The following NEK11 variants were observed in gnomAD, a reference collection of about 807,000 sequenced individuals.
The protein encoded by NEK11 is serine/threonine-protein kinase Nek11.
In NEK11, 72 loss-of-function variants were observed where a neutral mutation model predicts 80.7. That is an observed-to-expected ratio of 0.89 (90% CI 0.74 to 1.08). The LOEUF (loss-of-function observed/expected upper bound fraction) is 1.08, where lower values mean the gene tolerates loss of function less well. Ranked by LOEUF, NEK11 falls within the 50% of genes least tolerant of loss-of-function variation. The probability of loss-of-function intolerance (pLI) is 0.00; values close to 1 mark genes in which losing one functional copy is unlikely to be tolerated. For missense variants in NEK11, 764 were observed against 763.6 expected (o/e 1.00, Z -0.01); for synonymous variants, 251 against 260.7 (o/e 0.96, Z 0.36).
intron 15 of NEK11, among the ~76,000 whole-genome samples, chr3:131,231,582 G>T (rs79561274): frequency 0.017 from 2,576 of 151,576 alleles, 71 homozygotes; most frequent in African/African-American, 0.059. Flanking sequence ...ACACAATAGA[G>T]TAATTTGTAT....
At chr3:131,326,123 G>A (rs1466711061) in intron 17 of NEK11, 3 of 152,196 alleles carry the variant, frequency 2.0e-5, no homozygotes, top group Non-Finnish European at 4.4e-5. Flanking sequence ...AGGAGAGCTG[G>A]ATTTTTCTTG....
chr3:131,343,219 G>T (rs1443692507), intron 17 of NEK11, among the ~76,000 whole-genome samples: 3 of 152,138 alleles, frequency 2.0e-5, no homozygotes, highest in African/African-American at 7.2e-5. Flanking sequence ...TAACAGGAAT[G>T]ATCTAGTAGA....
intron 17 of NEK11, among the ~76,000 whole-genome samples, chr3:131,314,366 C>T (rs2096814382): frequency 1.3e-5 from 2 of 152,260 alleles, no homozygotes; most frequent in South Asian, 4.1e-4. Flanking sequence ...TCAAATTGCA[C>T]AACAAATCTT....
chr3:131,137,639 A>G (rs1421285691), intron 7 of NEK11, among the ~76,000 whole-genome samples: 6 of 152,210 alleles, frequency 3.9e-5, no homozygotes, highest in Admixed American at 1.3e-4. Context: ...CAGGTGAAGT[A>G]TATTTGAACA....
chr3:131,331,612 G>C (rs1013151651), intron 17 of NEK11, among the ~76,000 whole-genome samples: 1 of 152,302 alleles, frequency 6.6e-6, no homozygotes, highest in African/African-American at 2.4e-5. Context: ...GTGGGCGCAG[G>C]ACAGTGGGTG....
intron 5 of NEK11, among the ~76,000 whole-genome samples, chr3:131,117,639 C>T (rs1459216654): frequency 6.6e-6 from 1 of 152,152 alleles, no homozygotes; most frequent in Non-Finnish European, 1.5e-5. Flanking sequence ...TTTGTGTCCT[C>T]TTTTATTTCA....
chr3:131,262,563 T>C (rs2095947889), intron 16 of NEK11, among the ~76,000 whole-genome samples: 1 of 152,200 alleles, frequency 6.6e-6, no homozygotes, highest in South Asian at 2.1e-4. Context: ...TACAATGTTA[T>C]ATAAAAATGG....
chr3:131,035,247 G>C (rs933990748), intron 3 of NEK11, among the ~76,000 whole-genome samples: 6 of 152,284 alleles, frequency 3.9e-5, no homozygotes, highest in Non-Finnish European at 7.4e-5. Flanking sequence ...TTTCTACCCA[G>C]TTATGGAAAC....
chr3:131,332,660 A>T (rs974832369), intron 17 of NEK11, among the ~76,000 whole-genome samples: 4 of 152,224 alleles, frequency 2.6e-5, no homozygotes, highest in Non-Finnish European at 5.9e-5. Flanking sequence ...CAGATGATCA[A>T]AATACTCCGA....
At chr3:131,131,541 G>A (rs535382580) in intron 5 of NEK11, among the ~76,000 whole-genome samples, 2 of 152,150 alleles carry the variant, frequency 1.3e-5, no homozygotes, top group South Asian at 2.1e-4. Context: ...TTCTTTTAAT[G>A]TCCACGGAAT....
At chr3:131,106,561 G>A (rs938756496) in intron 4 of NEK11, among the ~76,000 whole-genome samples, 6 of 151,930 alleles carry the variant, frequency 3.9e-5, no homozygotes, top group Admixed American at 2.0e-4. Context: ...ACTAAATGCC[G>A]ACAACTCTGA....
intron 7 of NEK11, among the ~76,000 whole-genome samples, chr3:131,142,041 G>A (rs1209551586): frequency 6.6e-6 from 1 of 152,204 alleles, no homozygotes; most frequent in Non-Finnish European, 1.5e-5. Context: ...CAGATTAACT[G>A]AGTTTCTGCT....
At chr3:131,288,177 T>C (rs531855255) in intron 17 of NEK11, among the ~76,000 whole-genome samples, 2 of 152,308 alleles carry the variant, frequency 1.3e-5, no homozygotes, top group Admixed American at 6.5e-5. Context: ...TCTGATTTCA[T>C]GCTGTTGATT....
intron 14 of NEK11, among the ~76,000 whole-genome samples, chr3:131,176,672 G>A (rs1323620196): frequency 6.6e-6 from 1 of 152,146 alleles, no homozygotes; most frequent in African/African-American, 2.4e-5. Flanking sequence ...TAAGCTGGGT[G>A]CTGTCTAACA....
chr3:131,125,621 A>G (rs2083191444), intron 5 of NEK11, among the ~76,000 whole-genome samples: 2 of 152,182 alleles, frequency 1.3e-5, no homozygotes, highest in Non-Finnish European at 2.9e-5. Context: ...TGTAAGCATT[A>G]TGAGATACAT....
intron 16 of NEK11, among the ~76,000 whole-genome samples, chr3:131,268,827 C>A (rs1656032379): frequency 6.6e-6 from 1 of 152,230 alleles, no homozygotes; most frequent in Admixed American, 6.5e-5. Context: ...TCTTCAGAGC[C>A]AGCAGGCAGG....
intron 14 of NEK11, among the ~76,000 whole-genome samples, chr3:131,219,243 G>A (rs1387967301): frequency 1.3e-5 from 2 of 152,166 alleles, no homozygotes; most frequent in Admixed American, 6.5e-5. Flanking sequence ...ATCCTTTGCA[G>A]GGACATGGAT....
At chr3:131,132,666 A>G in intron 5 of NEK11, 79 bp from the exon 6 acceptor site, 2 of 727,958 alleles carry the variant, frequency 2.7e-6, no homozygotes, top group Non-Finnish European at 4.6e-6. Flanking sequence ...AATCATGTGC[A>G]ACAACATATA....
chr3:131,132,863 A>G, intron 6 of NEK11, 54 bp downstream of exon 6: 1 of 764,342 alleles, frequency 1.3e-6, no homozygotes, highest in South Asian at 1.8e-5. Context: ...TATTCTAGAT[A>G]TTATCATATC....
Sources: gnomAD v4.1 joint callset for allele counts (sites outside exome capture counted in the v4.1 genomes callset) on GRCh38, gnomAD v4.1.1 for gene constraint, MANE v1.5 for transcripts, NCBI Gene and HGNC (gene_info 2026-07-23, HGNC 2026-07-21) for gene names.